Variants in MRAP observed in about 807,000 individuals in gnomAD.
MRAP encodes the protein melanocortin-2 receptor accessory protein.
Under a neutral mutation model 8.7 loss-of-function variants are expected in MRAP, and 8 were observed. That is an observed-to-expected ratio of 0.92 (90% CI 0.54 to 1.66). MRAP has a LOEUF of 1.66. Ranked by LOEUF, MRAP falls within the 40% of genes most tolerant of loss-of-function variation. MRAP has a pLI of 0.00. For synonymous variants in MRAP, 95 were observed against 95.5 expected, an observed-to-expected ratio of 1.00 and a Z score of 0.03; for missense variants, 237 against 217.1, an observed-to-expected ratio of 1.09 and a Z score of -0.58.
chr21:32,296,669 A>G (rs951722276), upstream of MRAP, among the ~76,000 whole-genome samples: 9 of 152,250 alleles, frequency 5.9e-5, no homozygotes, highest in East Asian at 1.7e-3. Flanking sequence ...GTAGGCAATT[A>G]TAACACAATG....
intron 2 of MRAP, chr21:32,311,459 G>GA (rs1198590529): frequency 6.8e-6 from 3 of 443,636 alleles, no homozygotes; most frequent in Non-Finnish European, 1.2e-5. Flanking sequence ...GGCCTCCAGG[G>GA]AAAGACCTGA....
upstream of MRAP, among the ~76,000 whole-genome samples, chr21:32,296,880 T>G (rs557447604): frequency 3.7e-4 from 56 of 152,306 alleles, no homozygotes; most frequent in African/African-American, 1.3e-3. Context: ...TGCGAAGGCC[T>G]AGGACATTAC....
In MRAP at chr21:32,298,943, C is replaced by T; in HGVS notation, c.-29C>T. 6.4e-7 allele frequency: 1 copy of T among 1,566,516 alleles called. No individual in the cohort carries two copies. The highest frequency in any genetic ancestry group is 8.8e-7 in the Non-Finnish European group (1 of 1,137,504). Reference sequence around the variant, plus strand: ...CCTGGCTCGAGGCGAGGCTGCCGGCCCGGACGCTGACTGCCCAGTGCCACA... The same window carrying T: ...CCTGGCTCGAGGCGAGGCTGCCGGCTCGGACGCTGACTGCCCAGTGCCACA... On this transcript the variant is annotated 5_prime_UTR_variant, in exon 1 of 3. Coordinates refer to ENST00000303645, the MANE Select transcript of MRAP (RefSeq NM_001379228.1).
intron 2 of MRAP, chr21:32,306,940 C>A (rs1233202673): frequency 1.7e-5 from 11 of 639,176 alleles, no homozygotes; most frequent in Non-Finnish European, 2.9e-5. Context: ...TTCCTTTGAG[C>A]CTCATGTCAG....
At chr21:32,293,330 G>T (rs1418490790) in intron 2 of MRAP, among the ~76,000 whole-genome samples, 1 of 135,060 alleles carries the variant, frequency 7.4e-6, no homozygotes, top group Non-Finnish European at 1.6e-5. Context: ...GAACTGTAAG[G>T]CAAAAAAAAA....
chr21:32,309,813 G>A (rs1401572410), intron 2 of MRAP, among the ~76,000 whole-genome samples: 2 of 151,134 alleles, frequency 1.3e-5, no homozygotes, highest in Non-Finnish European at 2.9e-5. Context: ...CATCGTGGCC[G>A]GTGCCTGTAA....
chr21:32,304,389 G>C (rs202051261), intron 1 of MRAP, among the ~76,000 whole-genome samples: 3 of 152,142 alleles, frequency 2.0e-5, no homozygotes, highest in African/African-American at 7.2e-5. Flanking sequence ...GGCCGAGGCA[G>C]GTGGATCATG....
downstream of MRAP, chr21:32,312,934 T>C (rs1210497440): frequency 6.6e-6 from 1 of 152,206 alleles, no homozygotes; most frequent in Non-Finnish European, 1.5e-5. Flanking sequence ...TGGGATGAGA[T>C]TCCCTTCCTC....
rs1211865118 is a variant in MRAP at position 32,309,538 on chromosome 21, A to G, written c.207-2146A>G. ...GTGATCTCGGCTCACTGCAACCTCC[A>G]CCTCCCAAGTTCAAGCTATTCTCTT... On this transcript the variant is annotated intron_variant, in intron 2 of 2. Coordinates refer to ENST00000303645, the MANE Select transcript of MRAP (RefSeq NM_001379228.1). Among the ~76,000 whole-genome samples, 10 of 145,026 alleles carry G rather than the reference A, an allele frequency of 6.9e-5. No homozygotes were observed. In the South Asian group the frequency reaches 2.0e-3, roughly 29 times the overall value.
intron 1 of MRAP, 79 bp from the exon 2 acceptor site, chr21:32,306,561 C>G (rs1226931448): frequency 1.3e-5 from 16 of 1,186,294 alleles, no homozygotes; most frequent in Non-Finnish European, 1.9e-5. Context: ...TCCACAATAC[C>G]CTGGGACTCC....
rs886057000 is a variant in MRAP at position 32,291,843 on chromosome 21, G to A, written c.-157G>A. ...ATGGGGAGGCTATGCAGGTGTGTGG[G>A]CTGGAGGTATATAGAAAATCTGCCC... On this transcript the variant is annotated 5_prime_UTR_variant, in exon 1 of 5. Coordinates refer to the MRAP transcript ENST00000399784. 2.0e-5 allele frequency: 3 copies of A among 152,112 alleles called. No homozygotes were observed. Among genetic ancestry groups the A allele is most frequent in the African/African-American group, 4.8e-5 (2 of 41,404 alleles). 9.4% of individuals were successfully genotyped at this position (152,112 alleles called of 1,614,324 possible). A position where few individuals can be genotyped will look rare whatever the true frequency, so the allele number is the denominator to read the frequency against.
Position 32,311,685 on chromosome 21 carries a change from AACAGCCCCAAGC to A in MRAP, c.211_222del (p.Ser71_His74del), listed in dbSNP as rs778214159. On this transcript the variant is annotated inframe_deletion and splice_region_variant, in exon 3 of 3. Transcript: ENST00000303645. ...CCTCCCACTCTGCTCTGTTCACAGG[AACAGCCCCAAGC>A]ACCACCAAACATGCCCCTGGAGTCA... 3.1e-6 allele frequency: 5 copies of A among 1,613,860 alleles called. No homozygotes were observed. Among genetic ancestry groups the A allele is most frequent in the Non-Finnish European group, 4.2e-6 (5 of 1,179,920 alleles).
intron 1 of MRAP, among the ~76,000 whole-genome samples, chr21:32,301,083 A>G (rs1861642033): frequency 1.4e-5 from 2 of 147,574 alleles, no homozygotes; most frequent in East Asian, 2.0e-4. Flanking sequence ...ATATATCATG[A>G]TATATCGTAT....
At chr21:32,298,227 A>G (rs886805177), upstream of MRAP, among the ~76,000 whole-genome samples, 1 of 152,158 alleles carries the variant, frequency 6.6e-6, no homozygotes, top group African/African-American at 2.4e-5. Context: ...CCAAGAGCTG[A>G]GTGGACTCTA....
chr21:32,304,038 C>T (rs2032346428), intron 1 of MRAP, among the ~76,000 whole-genome samples: 2 of 152,190 alleles, frequency 1.3e-5, no homozygotes, highest in South Asian at 4.1e-4. Flanking sequence ...GAGAAAGGGG[C>T]TCTCAGGTGC....
chr21:32,307,986 G>T (rs1034344941), intron 2 of MRAP, among the ~76,000 whole-genome samples: 1 of 152,166 alleles, frequency 6.6e-6, no homozygotes, highest in Non-Finnish European at 1.5e-5. Context: ...CTCATGGAAT[G>T]AAAATATATC....
rs777077799 is a variant in MRAP, at chr21:32,311,965, C to T, written c.488C>T (p.Pro163Leu). ...LVRSKPSEPP[P>L]GDRTSQLQS is the part of the protein sequence containing the mutation. ...AGGAGCAAGCCCAGCGAGCCTCCCCCTGGAGACAGGACCTCTCAATTGCAG... is the reference window on the plus strand; with the variant it reads ...AGGAGCAAGCCCAGCGAGCCTCCCCTTGGAGACAGGACCTCTCAATTGCAG... Residue 163 changes from proline to leucine, a missense_variant, in exon 3 of 3, where the codon CCT becomes CTT. Coordinates refer to ENST00000303645, the MANE Select transcript of MRAP (RefSeq NM_001379228.1). 1 of 1,613,494 alleles carries T rather than the reference C, an allele frequency of 6.2e-7. No individual in the cohort carries two copies. The highest frequency in any genetic ancestry group is 1.7e-5 in the Admixed American group (1 of 60,034).
upstream of MRAP, chr21:32,298,833 C>G: frequency 1.4e-6 from 1 of 691,872 alleles, no homozygotes. Flanking sequence ...GATAAGTGGG[C>G]AGACCTTGAG....
downstream of MRAP, chr21:32,314,332 G>A (rs530282967): frequency 2.9e-4 from 131 of 455,540 alleles, no homozygotes; most frequent in South Asian, 2.5e-3. Flanking sequence ...TTACAGGTGT[G>A]CGCTACCATG....
Sources: gnomAD v4.1 joint callset for allele counts (sites outside exome capture counted in the v4.1 genomes callset) on GRCh38, gnomAD v4.1.1 for gene constraint, MANE v1.5 for transcripts, NCBI Gene and HGNC (gene_info 2026-07-23, HGNC 2026-07-21) for gene names.